LINGO2: variants seen among roughly 807,000 people sequenced by gnomAD.
LINGO2 encodes the protein leucine rich repeat and Ig domain containing 2.
LINGO2 carries 14 observed loss-of-function variants against 30.6 expected under a neutral mutation model. The observed-to-expected ratio is 0.46, with a 90% CI of 0.30 to 0.72. The LOEUF (loss-of-function observed/expected upper bound fraction) is 0.72, where lower values mean the gene tolerates loss of function less well. Ranked by LOEUF, LINGO2 falls within the 30% of genes least tolerant of loss-of-function variation. LINGO2 has a pLI of 0.07. For missense variants in LINGO2, 729 were observed against 751.7 expected, an observed-to-expected ratio of 0.97 and a Z score of 0.35; for synonymous variants, 317 against 288.5, an observed-to-expected ratio of 1.10 and a Z score of -1.00.
the LINGO2 span, among the ~76,000 whole-genome samples, chr9:28,879,348 T>C: frequency 6.6e-6 from 1 of 152,146 alleles, no homozygotes; most frequent in East Asian, 1.9e-4. Context: ...TAACCATAAG[T>C]ACTAGAACTG....
At chr9:29,096,565 C>G in the LINGO2 span, among the ~76,000 whole-genome samples, 3 of 140,432 alleles carry the variant, frequency 2.1e-5, 1 homozygote, top group African/African-American at 8.0e-5. Flanking sequence ...GGATTACAGG[C>G]GTGAGCCACC....
At chr9:28,019,838 C>A (rs183878119) in intron 4 of LINGO2, among the ~76,000 whole-genome samples, 8 of 152,184 alleles carry the variant, frequency 5.3e-5, no homozygotes, top group East Asian at 3.9e-4. Context: ...TGCTGAGTAA[C>A]CTTTGGCAAA....
At chr9:28,200,147 T>A (rs939257537) in intron 4 of LINGO2, among the ~76,000 whole-genome samples, 2 of 152,196 alleles carry the variant, frequency 1.3e-5, no homozygotes, top group African/African-American at 4.8e-5. Flanking sequence ...CAGAGTATTG[T>A]GTGATTTACA....
chr9:28,052,197 C>G (rs993387342), intron 4 of LINGO2, among the ~76,000 whole-genome samples: 1 of 151,960 alleles, frequency 6.6e-6, no homozygotes, highest in Admixed American at 6.6e-5. Context: ...CAAAAGAAAA[C>G]CAAAATATTC....
At chr9:28,118,439 C>T (rs779070140) in intron 4 of LINGO2, among the ~76,000 whole-genome samples, 7 of 152,080 alleles carry the variant, frequency 4.6e-5, no homozygotes, top group Non-Finnish European at 8.8e-5. Flanking sequence ...CTAATAAGTA[C>T]GCTTGTTAGT....
chr9:28,709,676 T>C, the LINGO2 span, among the ~76,000 whole-genome samples: 3 of 151,982 alleles, frequency 2.0e-5, no homozygotes, highest in African/African-American at 7.2e-5. Flanking sequence ...CTAAATATAG[T>C]ATATGAGTGA....
At chr9:28,100,447 G>T (rs1051643226) in intron 4 of LINGO2, among the ~76,000 whole-genome samples, 1 of 152,284 alleles carries the variant, frequency 6.6e-6, no homozygotes, top group East Asian at 1.9e-4. Context: ...CTAACATGGA[G>T]ATTTGAACAA....
chr9:29,017,402 T>A, the LINGO2 span, among the ~76,000 whole-genome samples: 1 of 152,098 alleles, frequency 6.6e-6, no homozygotes. Flanking sequence ...GAAAAACAAT[T>A]TTCAATGCTT....
chr9:28,748,572 C>T, the LINGO2 span, among the ~76,000 whole-genome samples: 445 of 151,954 alleles, frequency 2.9e-3, 3 homozygotes, highest in African/African-American at 9.8e-3. Flanking sequence ...GATTGCTTTC[C>T]GGAATACATT....
chr9:29,000,886 A>G, the LINGO2 span, among the ~76,000 whole-genome samples: 1 of 151,992 alleles, frequency 6.6e-6, no homozygotes, highest in African/African-American at 2.4e-5. Context: ...GCATGTGTGG[A>G]CCAGTGTATT....
chr9:28,228,870 C>A (rs1371064495), intron 4 of LINGO2, among the ~76,000 whole-genome samples: 1 of 151,622 alleles, frequency 6.6e-6, no homozygotes, highest in African/African-American at 2.4e-5. Flanking sequence ...CTTATTTTTA[C>A]ATAATGAGAT....
At chr9:28,919,762 C>CA in the LINGO2 span, among the ~76,000 whole-genome samples, 2 of 151,960 alleles carry the variant, frequency 1.3e-5, no homozygotes, top group Admixed American at 1.3e-4. Flanking sequence ...ACATTATAGA[C>CA]ATTTCTAAAA....
In LINGO2 at chr9:28,449,388, T is replaced by A. The variant is rs188865223; in HGVS notation, c.-279+26552A>T. Among the ~76,000 whole-genome samples the A allele has an allele frequency of 7.4e-3, 1,121 of 152,092 alleles. 9 individuals carry two copies. The highest frequency in any genetic ancestry group is 0.013 in the Non-Finnish European group (915 of 67,928). ...AAGCACAGAAGTGCATTTCTTTTTT[T>A]TAAAAAAAGTGATTATGAGCAATGT... On this transcript the variant is annotated intron_variant, in intron 2 of 5. Coordinates refer to ENST00000379992, the Ensembl canonical transcript of LINGO2.
At chr9:28,197,330 A>G (rs1446581338) in intron 4 of LINGO2, among the ~76,000 whole-genome samples, 1 of 152,006 alleles carries the variant, frequency 6.6e-6, no homozygotes, top group Non-Finnish European at 1.5e-5. Context: ...AGTCTACACA[A>G]CATTAAAATA....
the LINGO2 span, among the ~76,000 whole-genome samples, chr9:28,917,413 CA>C: frequency 0.77 from 114,522 of 148,466 alleles, 44,367 homozygotes; most frequent in Admixed American, 0.82. Context: ...AAACAAAACT[CA>C]AAAAAAAAAA....
At chr9:28,201,659 C>T (rs1032097805) in intron 4 of LINGO2, among the ~76,000 whole-genome samples, 1 of 151,718 alleles carries the variant, frequency 6.6e-6, no homozygotes, top group African/African-American at 2.4e-5. Context: ...GCCACACTGA[C>T]TTCCACAATG....
chr9:28,338,492 G>A (rs1417166624), intron 3 of LINGO2, among the ~76,000 whole-genome samples: 1 of 152,130 alleles, frequency 6.6e-6, no homozygotes, highest in Non-Finnish European at 1.5e-5. Flanking sequence ...CTTTTGAAAT[G>A]TGAGGACATG....
chr9:28,452,069 C>A (rs1165276354), intron 2 of LINGO2, among the ~76,000 whole-genome samples: 2 of 151,500 alleles, frequency 1.3e-5, no homozygotes, highest in Non-Finnish European at 3.0e-5. Context: ...CTTATTTATC[C>A]AACATTCATA....
At chr9:28,069,596 C>G (rs777601437) in intron 4 of LINGO2, among the ~76,000 whole-genome samples, 4 of 152,188 alleles carry the variant, frequency 2.6e-5, no homozygotes, top group Admixed American at 6.5e-5. Flanking sequence ...GAATGCCTTT[C>G]TTATACCACT....
Sources: gnomAD v4.1 joint callset for allele counts (sites outside exome capture counted in the v4.1 genomes callset) on GRCh38, gnomAD v4.1.1 for gene constraint, MANE v1.5 for transcripts, NCBI Gene and HGNC (gene_info 2026-07-23, HGNC 2026-07-21) for gene names.